Variants in DNAH3 observed in about 807,000 individuals in gnomAD.
The protein encoded by DNAH3 is axonemal beta dynein heavy chain 3.
In DNAH3, 332 loss-of-function variants were observed where a neutral mutation model predicts 432.5. The observed-to-expected ratio is 0.77, with a 90% CI of 0.70 to 0.84. DNAH3 has a LOEUF of 0.84. DNAH3 is among the 40% of genes least tolerant of loss of function. The pLI, the probability that DNAH3 is intolerant of heterozygous loss-of-function variation, is 0.00. For synonymous variants in DNAH3, 1,956 were observed against 1,900.2 expected (o/e 1.03, Z -0.76); for missense variants, 4,861 against 5,114.0 (o/e 0.95, Z 1.51).
chr16:20,941,022 C>T (rs1211858288), intron 59 of DNAH3, among the ~76,000 whole-genome samples: 1 of 152,104 alleles, frequency 6.6e-6, no homozygotes, highest in Non-Finnish European at 1.5e-5. Context: ...ACTGCTTGAG[C>T]CCAGGAGTTC....
At chr16:20,970,341 T>C (rs1356506652) in intron 51 of DNAH3, among the ~76,000 whole-genome samples, 2 of 152,172 alleles carry the variant, frequency 1.3e-5, no homozygotes, top group East Asian at 1.9e-4. Flanking sequence ...CTGGCCAACA[T>C]GGCAAAACCC....
At chr16:21,148,432 A>ATTT (rs2092813081) in intron 1 of DNAH3, among the ~76,000 whole-genome samples, 1 of 145,910 alleles carries the variant, frequency 6.9e-6, no homozygotes, top group African/African-American at 2.6e-5. Context: ...TATTATTATT[A>ATTT]TTATTATTTA....
exon 55 of DNAH3, chr16:20,955,028 T>A (rs781499833): frequency 6.2e-7 from 1 of 1,611,962 alleles, no homozygotes; most frequent in South Asian, 1.1e-5. Context: ...GACTGGAAAC[T>A]TCTCTGATGG....
At chr16:21,089,479 A>T (rs1017199776) in intron 18 of DNAH3, among the ~76,000 whole-genome samples, 1 of 152,202 alleles carries the variant, frequency 6.6e-6, no homozygotes, top group African/African-American at 2.4e-5. Flanking sequence ...AACAAACCTC[A>T]ATAAATTGAA....
chr16:21,157,519 G>A (rs1475557282), intron 1 of DNAH3, among the ~76,000 whole-genome samples: 1 of 151,868 alleles, frequency 6.6e-6, no homozygotes, highest in African/African-American at 2.4e-5. Context: ...TAGTAGAGAT[G>A]GGGTTTCACC....
At chr16:21,006,500 C>A (rs1353861407) in intron 41 of DNAH3, among the ~76,000 whole-genome samples, 1 of 152,132 alleles carries the variant, frequency 6.6e-6, no homozygotes, top group Admixed American at 6.5e-5. Flanking sequence ...TAGAACTTTT[C>A]ATTACATTGG....
At position 21,084,976 on chromosome 16, in the gene DNAH3, G is replaced by A. The variant is rs2091314842; in HGVS notation, c.2877+1873C>T. On this transcript the variant is annotated intron_variant, in intron 19 of 61. Coordinates refer to ENST00000261383, the Ensembl canonical transcript of DNAH3. ...AGCTCCCTAACCCCCCCATCCCCCC[G>A]ATGCAGGTCAAAGTCCTAGTTAGGC... is the stretch of plus-strand genomic sequence containing the variant. 3.0e-5 allele frequency among the ~76,000 whole-genome samples: 4 copies of A among 134,094 alleles called. 1 individual carries two copies. The highest frequency in any genetic ancestry group is 4.7e-4 in the South Asian group (2 of 4,246). 88.0% of individuals were successfully genotyped at this position (134,094 alleles called of 152,430 possible). A position where few individuals can be genotyped will look rare whatever the true frequency, so the allele number is the denominator to read the frequency against.
At chr16:20,937,553 C>T (rs758652450) in intron 59 of DNAH3, among the ~76,000 whole-genome samples, 32 of 115,022 alleles carry the variant, frequency 2.8e-4, no homozygotes, top group Non-Finnish European at 5.4e-4. Context: ...TTTTTTGAGA[C>T]AGAGTCTTGC....
intron 27 of DNAH3, among the ~76,000 whole-genome samples, chr16:21,056,981 A>G (rs2090157747): frequency 6.6e-6 from 1 of 152,222 alleles, no homozygotes; most frequent in African/African-American, 2.4e-5. Flanking sequence ...TCTAATTTCA[A>G]TTTATACAGC....
At chr16:21,070,873 A>C (rs777401223) in intron 21 of DNAH3, 47 bp from the exon 22 acceptor site, 1 of 1,201,206 alleles carries the variant, frequency 8.3e-7, no homozygotes, top group Non-Finnish European at 1.2e-6. Context: ...AAACCTCCCC[A>C]TTTTTCTTTT....
chr16:21,021,527 T>A (rs1024484905), intron 40 of DNAH3, among the ~76,000 whole-genome samples: 1 of 152,146 alleles, frequency 6.6e-6, no homozygotes, highest in Admixed American at 6.5e-5. Context: ...AACTCTACTA[T>A]CTGCACTCCA....
At chr16:21,012,035 G>A (rs1010258697) in intron 41 of DNAH3, among the ~76,000 whole-genome samples, 3 of 152,126 alleles carry the variant, frequency 2.0e-5, no homozygotes, top group Non-Finnish European at 2.9e-5. Flanking sequence ...GCCAGGATCC[G>A]AACTCTGACA....
intron 20 of DNAH3, among the ~76,000 whole-genome samples, chr16:21,080,324 A>C (rs554703564): frequency 6.7e-5 from 10 of 149,980 alleles, no homozygotes; most frequent in African/African-American, 2.5e-4. Flanking sequence ...AAATAAAATA[A>C]AGTTTCTAGT....
At chr16:20,945,440 G>T (rs1278622586) in intron 57 of DNAH3, among the ~76,000 whole-genome samples, 4 of 151,798 alleles carry the variant, frequency 2.6e-5, no homozygotes, top group Non-Finnish European at 5.9e-5. Context: ...ATAATCAGTT[G>T]AGCAGCAACC....
chr16:20,960,196 T>C lies in DNAH3; in HGVS notation c.10601-792A>G, dbSNP rs2084755159. On this transcript the variant is annotated intron_variant, in intron 53 of 61. Coordinates refer to ENST00000261383, the Ensembl canonical transcript of DNAH3. Reference sequence around the variant, plus strand: ...TAGGTCTCTTCCACACTAGTACATGTATAAAGGCTTTTTTCTTTCATGGAT... The same window carrying C: ...TAGGTCTCTTCCACACTAGTACATGCATAAAGGCTTTTTTCTTTCATGGAT... 2.6e-5 allele frequency among the ~76,000 whole-genome samples: 4 copies of C among 152,298 alleles called. No homozygotes were observed. In the South Asian group the frequency reaches 8.3e-4, roughly 32 times the overall value.
rs187501827 is a variant in DNAH3 at position 20,948,592 on chromosome 16, C to T, written c.11234G>A (p.Arg3745His). Residue 3745 changes from arginine (R) to histidine (H), a missense_variant, in exon 57 of 62, where the codon CGT (arginine) becomes CAT (histidine). Transcript: ENST00000261383. ...CATGGACAGAAGTGACAGCAGGAGACGCCGGTCTTTGTCATCAGTCACTCT... is the reference window on the plus strand; with the variant it reads ...CATGGACAGAAGTGACAGCAGGAGATGCCGGTCTTTGTCATCAGTCACTCT... 7 of 1,614,098 alleles carry T rather than the reference C, an allele frequency of 4.3e-6. No individual in the cohort carries two copies. The highest frequency in any genetic ancestry group is 2.2e-5 in the East Asian group (1 of 44,870).
At chr16:21,073,807 AG>A (rs1424832685) in intron 21 of DNAH3, among the ~76,000 whole-genome samples, 1 of 152,052 alleles carries the variant, frequency 6.6e-6, no homozygotes, top group Non-Finnish European at 1.5e-5. Flanking sequence ...GTCGTTCCTG[AG>A]GGGGTCTTGC....
chr16:20,991,260 A>G (rs1246198236), intron 44 of DNAH3, among the ~76,000 whole-genome samples: 2 of 148,730 alleles, frequency 1.3e-5, no homozygotes, highest in Non-Finnish European at 3.0e-5. Flanking sequence ...AAACAACCAC[A>G]TGCCTTTTTT....
intron 44 of DNAH3, chr16:20,996,969 C>G (rs2086788412): frequency 3.7e-6 from 1 of 268,808 alleles, no homozygotes; most frequent in Non-Finnish European, 7.0e-6. Flanking sequence ...GACTGTCATG[C>G]ACCCCTAGTT....
Sources: allele counts gnomAD v4.1 joint callset (sites outside exome capture counted in the v4.1 genomes callset), GRCh38; gene constraint gnomAD v4.1.1; transcripts MANE v1.5; gene names NCBI Gene and HGNC (gene_info 2026-07-23, HGNC 2026-07-21).